Variants in SMPDL3B observed in about 807,000 individuals in gnomAD.
SMPDL3B encodes the protein sphingomyelin phosphodiesterase acid like 3B, also known as acid sphingomyelinase-like phosphodiesterase 3b.
Under a neutral mutation model 37.9 loss-of-function variants are expected in SMPDL3B, and 31 were observed. The ratio of observed to expected loss-of-function variants is 0.82; its 90% CI spans 0.61 to 1.10. SMPDL3B has a LOEUF of 1.10. SMPDL3B is among the 50% of genes least tolerant of loss of function. The pLI is 0.00. For missense variants in SMPDL3B, 525 were observed against 597.8 expected (o/e 0.88, Z 1.27); for synonymous variants, 235 against 242.6 (o/e 0.97, Z 0.29).
intron 1 of SMPDL3B, chr1:27,939,117 G>A (rs1259506370): frequency 6.6e-6 from 1 of 152,158 alleles, no homozygotes; most frequent in Non-Finnish European, 1.5e-5. Flanking sequence ...ATTTCATAAT[G>A]TTGTCATGAG....
Position 27,958,962 on chromosome 1 carries a change from A to G in SMPDL3B, c.*124A>G. On this transcript the variant is annotated 3_prime_UTR_variant, in exon 8 of 8. Transcript: ENST00000373894. This position sits in a 1 kb window ranked among gnomAD's most constrained non-coding sequence, Gnocchi z 5.6. ...TGAACTGAAATAGGACAACCGAATC[A>G]GGAAGCGAAGCCCCAGGAGCTGCAG... 1 of 1,211,184 alleles carries G rather than the reference A, an allele frequency of 8.3e-7. No homozygotes were observed. Among genetic ancestry groups the G allele is most frequent in the Non-Finnish European group, 1.1e-6 (1 of 895,630 alleles). 75.0% of individuals were successfully genotyped at this position (1,211,184 alleles called of 1,614,324 possible). A position where few individuals can be genotyped will look rare whatever the true frequency, so the allele number is the denominator to read the frequency against.
intron 7 of SMPDL3B, chr1:27,956,315 C>T: frequency 1.4e-6 from 2 of 1,463,236 alleles, no homozygotes; most frequent in Non-Finnish European, 1.8e-6. Context: ...AGCTTCATAC[C>T]TGGTCTCCCT....
chr1:27,956,599 T>C (rs1638292258), intron 7 of SMPDL3B: 12 of 596,902 alleles, frequency 2.0e-5, no homozygotes, highest in Non-Finnish European at 2.6e-5. Flanking sequence ...CTTGTGGTTG[T>C]TGAGATGAAA....
intron 3 of SMPDL3B, among the ~76,000 whole-genome samples, chr1:27,950,410 G>T (rs1037295252): frequency 1.3e-5 from 2 of 152,186 alleles, no homozygotes; most frequent in African/African-American, 4.8e-5. Context: ...TGCTTCACAT[G>T]GGGCTTCTGG....
In SMPDL3B at chr1:27,958,541, C is replaced by T. The variant is rs373190969; in HGVS notation, c.1071C>T (p.Leu357=). Residue 357 remains leucine, a synonymous_variant, in exon 8 of 8, where the codon CTC becomes CTT. Coordinates refer to ENST00000373894, the MANE Select transcript of SMPDL3B (RefSeq NM_014474.4). This position sits in a 1 kb window ranked among gnomAD's most constrained non-coding sequence, Gnocchi z 5.6. Reference sequence around the variant, plus strand: ...CTCAGGGGACGCCGCGCTGGGAGCTCGAGTACCAGCTGACCGAGGCCTATG... The same window carrying T: ...CTCAGGGGACGCCGCGCTGGGAGCTTGAGTACCAGCTGACCGAGGCCTATG... ...ANAQGTPRWE[L]EYQLTEAYGV... 4.3e-5 allele frequency: 69 copies of T among 1,613,712 alleles called. 2 individuals carry two copies. The South Asian group carries it at 4.8e-4, about 11-fold the overall frequency.
At chr1:27,948,939 TC>T in intron 2 of SMPDL3B, 125 bp from the exon 3 acceptor site, 3 of 1,533,324 alleles carry the variant, frequency 2.0e-6, no homozygotes, top group Non-Finnish European at 1.8e-6. Flanking sequence ...GCCTGGCCAT[TC>T]CCCCTCAAGG....
chr1:27,942,542 A>T (rs762652178), intron 1 of SMPDL3B, among the ~76,000 whole-genome samples: 1 of 152,228 alleles, frequency 6.6e-6, no homozygotes, highest in Non-Finnish European at 1.5e-5. Flanking sequence ...GCAGTGGTGC[A>T]ATCTCGGCTC....
intron 5 of SMPDL3B, 146 bp downstream of exon 5, chr1:27,954,672 A>G: frequency 1.4e-6 from 1 of 708,374 alleles, no homozygotes; most frequent in Non-Finnish European, 2.4e-6. Context: ...GGCTTCCTCC[A>G]TCCTCACCAC....
At chr1:27,940,291 T>A (rs2090345827) in intron 1 of SMPDL3B, among the ~76,000 whole-genome samples, 1 of 152,176 alleles carries the variant, frequency 6.6e-6, no homozygotes, top group African/African-American at 2.4e-5. Flanking sequence ...GCCCTGCCCC[T>A]GCACTTTACC....
At chr1:27,942,961 T>G (rs995106053) in intron 1 of SMPDL3B, among the ~76,000 whole-genome samples, 1 of 152,222 alleles carries the variant, frequency 6.6e-6, no homozygotes, top group African/African-American at 2.4e-5. Context: ...TGTGCCACCA[T>G]GCCTGGCAGG....
intron 1 of SMPDL3B, chr1:27,936,581 T>C (rs536439857): frequency 1.3e-5 from 2 of 152,212 alleles, no homozygotes; most frequent in African/African-American, 4.8e-5. Flanking sequence ...TTGCTGAAGA[T>C]CTCCCAGCTG....
At chr1:27,948,145 G>A (rs1027179921) in intron 2 of SMPDL3B, among the ~76,000 whole-genome samples, 9 of 151,988 alleles carry the variant, frequency 5.9e-5, no homozygotes, top group African/African-American at 1.5e-4. Flanking sequence ...TTTTTCCCCC[G>A]TGTCTCTGGT....
In SMPDL3B at chr1:27,958,628, G is replaced by C. The variant is rs756470405; in HGVS notation, c.1158G>C (p.Gln386His). The C allele has an allele frequency of 9.8e-5, 158 of 1,613,586 alleles. No homozygotes were observed. Among genetic ancestry groups the C allele is most frequent in the Admixed American group, 1.8e-4 (11 of 60,008 alleles). ...HTVLDRIAGD[Q>H]STLQRYYVYN... Reference sequence around the variant, plus strand: ...TGCTGGACCGCATCGCTGGCGACCAGAGCACACTGCAGCGCTACTACGTCT... The same window carrying C: ...TGCTGGACCGCATCGCTGGCGACCACAGCACACTGCAGCGCTACTACGTCT... The change falls in exon 8 of 8, where the codon CAG becomes CAC. Residue 386 changes from glutamine (Q) to histidine (H), a missense_variant. By Grantham distance (24) the Gln-to-His change is conservative. Coordinates refer to ENST00000373894, the MANE Select transcript of SMPDL3B (RefSeq NM_014474.4). The surrounding 1 kb of genome is among the most constrained non-coding windows in gnomAD (Gnocchi z 5.6).
intron 4 of SMPDL3B, 30 bp downstream of exon 4, chr1:27,953,388 C>T: frequency 6.3e-7 from 1 of 1,579,750 alleles, no homozygotes. Flanking sequence ...CTATCAAGAG[C>T]ACTTACTGTA....
Position 27,953,356 on chromosome 1 carries a change from A to C in SMPDL3B, c.515A>C (p.Lys172Thr), listed in dbSNP as rs2090470572. 1.2e-6 allele frequency: 2 copies of C among 1,610,166 alleles called. No homozygotes were observed. The highest frequency in any genetic ancestry group is 1.7e-5 in the Admixed American group (1 of 59,148). Reference protein sequence around the residue: ...LSNESIALFKKGAFYCEKLPG... With the variant: ...LSNESIALFKTGAFYCEKLPG... ...AATGAGTCCATCGCTCTCTTCAAAA[A>C]AGGTACCAACACCACCTGCTCCTAT... Residue 172 changes from lysine to threonine, a missense_variant and splice_region_variant, in exon 4 of 8, where the codon AAA becomes ACA. By Grantham distance (78) the Lys-to-Thr change is moderately conservative. Transcript: ENST00000373894.
At position 27,958,631 on chromosome 1, in the gene SMPDL3B, C is replaced by T; in HGVS notation, c.1161C>T (p.Ser387=). The change falls in exon 8 of 8, where the codon AGC becomes AGT. Residue 387 remains serine, a synonymous_variant. Transcript: ENST00000373894. This position sits in a 1 kb window ranked among gnomAD's most constrained non-coding sequence, Gnocchi z 5.6. ...TGGACCGCATCGCTGGCGACCAGAG[C>T]ACACTGCAGCGCTACTACGTCTATA... ...TVLDRIAGDQ[S]TLQRYYVYNS... The T allele has an allele frequency of 6.2e-7, 1 of 1,613,756 alleles. No homozygotes were observed. Among genetic ancestry groups the T allele is most frequent in the Non-Finnish European group, 8.5e-7 (1 of 1,179,788 alleles).
intron 2 of SMPDL3B, among the ~76,000 whole-genome samples, chr1:27,946,473 G>A (rs1237603778): frequency 2.6e-5 from 4 of 152,178 alleles, no homozygotes; most frequent in Non-Finnish European, 1.5e-5. Flanking sequence ...CTGAGATGAT[G>A]GACACCCACA....
At chr1:27,941,757 G>A (rs991622910) in intron 1 of SMPDL3B, among the ~76,000 whole-genome samples, 1 of 152,166 alleles carries the variant, frequency 6.6e-6, no homozygotes, top group Non-Finnish European at 1.5e-5. Flanking sequence ...AAGATTGGGC[G>A]AGGCCATGGC....
chr1:27,940,830 G>C (rs1166334742), intron 1 of SMPDL3B, among the ~76,000 whole-genome samples: 2 of 152,170 alleles, frequency 1.3e-5, no homozygotes, highest in African/African-American at 4.8e-5. Context: ...CTGGTCTAAA[G>C]GGTAAAGCAT....
Sources: allele counts gnomAD v4.1 joint callset (sites outside exome capture counted in the v4.1 genomes callset), GRCh38; gene constraint gnomAD v4.1.1; non-coding constraint Gnocchi (gnomAD v3.1); transcripts MANE v1.5; gene names NCBI Gene and HGNC (gene_info 2026-07-23, HGNC 2026-07-21).